Variants in TRIO observed in about 807,000 individuals in gnomAD.
TRIO encodes trio Rho guanine nucleotide exchange factor, also known as triple functional domain protein.
TRIO carries 58 observed loss-of-function variants against 351.9 expected under a neutral mutation model. The ratio of observed to expected loss-of-function variants is 0.16; its 90% CI spans 0.13 to 0.21. The LOEUF is 0.21. Among genes scored for constraint, TRIO ranks in the 10% least tolerant of loss-of-function variants. The pLI is 1.00. For synonymous variants in TRIO, 1,758 were observed against 1,595.7 expected (o/e 1.10, Z -2.42); for missense variants, 3,201 against 4,027.8 (o/e 0.79, Z 5.56).
At chr5:14,371,226 CT>C (rs1211252446) in intron 18 of TRIO, among the ~76,000 whole-genome samples, 1 of 152,188 alleles carries the variant, frequency 6.6e-6, no homozygotes, top group Admixed American at 6.5e-5. Context: ...TCATTTTTGA[CT>C]TACGATTTTT....
chr5:14,357,991 C>G (rs1045677235), intron 11 of TRIO, among the ~76,000 whole-genome samples, 187 bp from the exon 12 acceptor site: 3 of 152,174 alleles, frequency 2.0e-5, no homozygotes. Flanking sequence ...TGCATGTGTT[C>G]CGCTGGCAGT....
At chr5:14,390,808 T>A in intron 26 of TRIO, 93 bp from the exon 27 acceptor site, 1 of 1,025,100 alleles carries the variant, frequency 9.8e-7, no homozygotes, top group Non-Finnish European at 1.4e-6. Context: ...GGCTTAAATT[T>A]CCGTTATCCA....
chr5:14,375,204 A>G (rs978540206), intron 19 of TRIO, among the ~76,000 whole-genome samples: 1 of 152,248 alleles, frequency 6.6e-6, no homozygotes, highest in African/African-American at 2.4e-5. Context: ...TTCTTCTGGA[A>G]AAATGTGCAA....
chr5:14,162,412 C>G (rs952144332), intron 1 of TRIO, among the ~76,000 whole-genome samples: 10 of 152,190 alleles, frequency 6.6e-5, no homozygotes, highest in African/African-American at 2.4e-4. Flanking sequence ...AGCCCATATT[C>G]TTTGTACTGA....
At chr5:14,178,084 T>A (rs929435692) in intron 1 of TRIO, among the ~76,000 whole-genome samples, 5 of 152,340 alleles carry the variant, frequency 3.3e-5, no homozygotes, top group Admixed American at 2.0e-4. Flanking sequence ...TCCTTGTTTG[T>A]GGAGTAATTC....
intron 27 of TRIO, 108 bp downstream of exon 27, chr5:14,391,098 T>A (rs1747044538): frequency 1.2e-6 from 1 of 826,130 alleles, no homozygotes; most frequent in South Asian, 2.1e-5. Flanking sequence ...TTCATTTTTG[T>A]CTATCATTTT....
chr5:14,196,606 A>G (rs1278512034), intron 1 of TRIO, among the ~76,000 whole-genome samples: 1 of 152,010 alleles, frequency 6.6e-6, no homozygotes, highest in Non-Finnish European at 1.5e-5. Context: ...TCATTATTCT[A>G]CCTTCAGAAG....
chr5:14,427,526 G>A (rs567798606), intron 34 of TRIO, among the ~76,000 whole-genome samples: 2 of 152,238 alleles, frequency 1.3e-5, no homozygotes, highest in East Asian at 3.9e-4. Flanking sequence ...TACCAGAAAC[G>A]ACCTCACCCC....
Position 14,421,649 on chromosome 5 carries a change from G to GC in TRIO, c.5203+1629dup, listed in dbSNP as rs545442771. On this transcript the variant is annotated intron_variant, in intron 34 of 56. Transcript: ENST00000344204. ...TGTTTGTTCCCTTGCAGTGTTAGGA[G>GC]CTGCGCAGCAACAGACAGCAGGTGT... 2.0e-4 allele frequency among the ~76,000 whole-genome samples: 30 copies of GC among 151,890 alleles called. No individual in the cohort carries two copies. The East Asian group carries it at 4.6e-3, about 23-fold the overall frequency.
intron 7 of TRIO, among the ~76,000 whole-genome samples, chr5:14,300,971 G>A (rs1384079689): frequency 2.6e-5 from 4 of 152,150 alleles, no homozygotes; most frequent in South Asian, 2.1e-4. Flanking sequence ...CTGAGGCTCC[G>A]TCAAGAGGTG....
intron 34 of TRIO, among the ~76,000 whole-genome samples, chr5:14,458,212 A>G (rs1036225291): frequency 3.3e-5 from 5 of 152,142 alleles, no homozygotes; most frequent in African/African-American, 1.2e-4. Flanking sequence ...GACTGTCCTT[A>G]AAATATGAGC....
chr5:14,382,467 G>T (rs910069013), intron 21 of TRIO, among the ~76,000 whole-genome samples: 2 of 152,192 alleles, frequency 1.3e-5, no homozygotes, highest in Non-Finnish European at 2.9e-5. Context: ...GGCAAGCAGG[G>T]CTGCAGAGAG....
At chr5:14,397,185 C>T (rs753619254) in intron 29 of TRIO, 31 bp downstream of exon 29, 41 of 1,535,730 alleles carry the variant, frequency 2.7e-5, no homozygotes, top group Non-Finnish European at 3.5e-5. Flanking sequence ...CAGTGTGCAT[C>T]TATGCAGTTT....
chr5:14,449,412 G>T (rs907525726), intron 34 of TRIO, among the ~76,000 whole-genome samples: 1 of 152,150 alleles, frequency 6.6e-6, no homozygotes, highest in Non-Finnish European at 1.5e-5. Context: ...CTATCTCTAG[G>T]GCTTCTCACT....
Position 14,462,737 on chromosome 5 carries a change from A to T in TRIO, c.5497-18A>T, listed in dbSNP as rs1163743677. The T allele has an allele frequency of 6.2e-7, 1 of 1,613,842 alleles. No homozygotes were observed. Among genetic ancestry groups the T allele is most frequent in the African/African-American group, 1.3e-5 (1 of 75,026 alleles). ...AACTGGCCTGGAATATAATGAGCAA[A>T]TCTTGACTGGATTTCAGAGAGGCCG... On this transcript the variant is annotated intron_variant, in intron 35 of 56. Transcript: ENST00000344204.
rs1017300892 is a variant in TRIO, at chr5:14,292,973, T to G, written c.1054-39T>G. ...GTGGGCTTGTGTCAGTAATTTCTCT[T>G]TCTGGAGTGATTGCGGGTTGTCTTT... On this transcript the variant is annotated intron_variant, in intron 5 of 56. Coordinates refer to ENST00000344204, the MANE Select transcript of TRIO (RefSeq NM_007118.4). 3.1e-6 allele frequency: 5 copies of G among 1,613,306 alleles called. No homozygotes were observed. The African/African-American group carries it at 6.7e-5, about 22-fold the overall frequency.
chr5:14,363,667 G>A, intron 13 of TRIO, 65 bp from the exon 14 acceptor site: 1 of 1,473,340 alleles, frequency 6.8e-7, no homozygotes, highest in Non-Finnish European at 9.3e-7. Flanking sequence ...TTCCTTACTT[G>A]GTACAGAGTG....
At chr5:14,289,464 G>T (rs1250766717) in intron 4 of TRIO, among the ~76,000 whole-genome samples, 1 of 152,126 alleles carries the variant, frequency 6.6e-6, no homozygotes, top group African/African-American at 2.4e-5. Context: ...AAGATGGGAG[G>T]ATGGCTTGAG....
Position 14,304,604 on chromosome 5 carries a change from G to A in TRIO, c.1500+12G>A, listed in dbSNP as rs2152296016. ...TTGCTTATTCTGAGGTAAGTGGCCAGTTTTACTTACATTGCAAAGCAGCAT... is the reference window on the plus strand; with the variant it reads ...TTGCTTATTCTGAGGTAAGTGGCCAATTTTACTTACATTGCAAAGCAGCAT... On this transcript the variant is annotated intron_variant, in intron 8 of 56. Transcript: ENST00000344204. 6.2e-7 allele frequency: 1 copy of A among 1,606,130 alleles called. No individual in the cohort carries two copies. The highest frequency in any genetic ancestry group is 1.7e-5 in the Admixed American group (1 of 57,932).
Sources: gnomAD v4.1 joint callset for allele counts (sites outside exome capture counted in the v4.1 genomes callset) on GRCh38, gnomAD v4.1.1 for gene constraint, MANE v1.5 for transcripts, NCBI Gene and HGNC (gene_info 2026-07-23, HGNC 2026-07-21) for gene names.